Variants in FNDC3A observed in about 807,000 individuals in gnomAD.
The protein encoded by FNDC3A is fibronectin type-III domain-containing protein 3A.
In FNDC3A, 32 loss-of-function variants were observed where a neutral mutation model predicts 148.9. That is an observed-to-expected ratio of 0.21 (90% confidence interval 0.16 to 0.29). The LOEUF is 0.29. Ranked by LOEUF, FNDC3A falls within the 10% of genes least tolerant of loss-of-function variation. The pLI is 1.00. For missense variants in FNDC3A, 1,191 were observed against 1,452.8 expected (o/e 0.82, Z 2.93); for synonymous variants, 472 against 473.6 (o/e 1.00, Z 0.04).
intron 5 of FNDC3A, among the ~76,000 whole-genome samples, chr13:49,134,091 T>C (rs1382631595): frequency 1.3e-5 from 2 of 152,216 alleles, no homozygotes; most frequent in African/African-American, 2.4e-5. Flanking sequence ...CTATATTCAG[T>C]ATGTACTGTA....
chr13:48,983,860 T>C (rs1241326570), intron 1 of FNDC3A, among the ~76,000 whole-genome samples: 3 of 152,094 alleles, frequency 2.0e-5, no homozygotes, highest in Non-Finnish European at 2.9e-5. Flanking sequence ...TCTTAGGCAA[T>C]ACATTAAGAA....
At chr13:49,124,025 A>G (rs936764115) in intron 4 of FNDC3A, among the ~76,000 whole-genome samples, 3 of 150,984 alleles carry the variant, frequency 2.0e-5, no homozygotes, top group African/African-American at 7.3e-5. Context: ...AAATCATTGT[A>G]CTAGGACCAT....
intron 7 of FNDC3A, among the ~76,000 whole-genome samples, chr13:49,140,413 A>C (rs1882622460): frequency 6.6e-6 from 1 of 152,228 alleles, no homozygotes; most frequent in African/African-American, 2.4e-5. Flanking sequence ...TTCTTACTCA[A>C]CATTAGGAAG....
At chr13:49,198,657 T>C in intron 23 of FNDC3A, 83 bp downstream of exon 23, 1 of 1,124,468 alleles carries the variant, frequency 8.9e-7, no homozygotes, top group East Asian at 2.5e-5. Context: ...GTAGGCCAGG[T>C]GTGGTGGCTG....
At chr13:49,196,832 T>A (rs987537044) in intron 19 of FNDC3A, 45 bp from the exon 20 acceptor site, 4 of 1,037,542 alleles carry the variant, frequency 3.9e-6, no homozygotes, top group African/African-American at 1.6e-5. Flanking sequence ...TCAGTGGACA[T>A]TTAAGGGTGA....
rs1245928778 is a variant in FNDC3A, at chr13:49,075,801, C to G, written c.175+437C>G. Among the ~76,000 whole-genome samples, 16 of 2,310 alleles carry G rather than the reference C, an allele frequency of 6.9e-3. 1 individual carries two copies. Among genetic ancestry groups the G allele is most frequent in the African/African-American group, 0.012 (5 of 402 alleles). The allele number at this position is 2,310 out of a possible 152,430, so 1.5% of individuals were successfully genotyped here. ...CTGGAATTCACCCTTATCACCACTG[C>G]CCCCCCCACCCCCACCCCCACCCCC... On this transcript the variant is annotated intron_variant, in intron 3 of 25. Transcript: ENST00000492622.
intron 14 of FNDC3A, among the ~76,000 whole-genome samples, chr13:49,181,038 G>A (rs1368411810): frequency 6.6e-6 from 1 of 152,158 alleles, no homozygotes; most frequent in Admixed American, 6.5e-5. Context: ...CTATGATCGT[G>A]TCACTGCACT....
At chr13:49,091,627 G>T (rs144888358) in intron 3 of FNDC3A, among the ~76,000 whole-genome samples, 1 of 152,296 alleles carries the variant, frequency 6.6e-6, no homozygotes, top group African/African-American at 2.4e-5. Context: ...TTCACTTTTG[G>T]GTGATGCCTG....
chr13:49,031,075 C>T (rs998783895), intron 2 of FNDC3A, among the ~76,000 whole-genome samples: 10 of 152,138 alleles, frequency 6.6e-5, no homozygotes, highest in Non-Finnish European at 7.4e-5. Flanking sequence ...TGGGAGAATT[C>T]AGTGTTTCTC....
intron 2 of FNDC3A, among the ~76,000 whole-genome samples, chr13:49,043,921 AG>A (rs1157583114): frequency 6.6e-6 from 1 of 152,264 alleles, no homozygotes; most frequent in Non-Finnish European, 1.5e-5. Flanking sequence ...TCTATGTGAC[AG>A]AAGAGTCAGT....
At chr13:49,135,307 G>GT (rs1202258325) in intron 5 of FNDC3A, among the ~76,000 whole-genome samples, 1 of 152,080 alleles carries the variant, frequency 6.6e-6, no homozygotes, top group Non-Finnish European at 1.5e-5. Flanking sequence ...CTCCCTTGTT[G>GT]TTTTTTCACT....
At position 49,196,928 on chromosome 13, in the gene FNDC3A, G is replaced by C. The variant is rs973689358; in HGVS notation, c.2278G>C (p.Asp760His). 1.2e-6 allele frequency: 2 copies of C among 1,611,946 alleles called. No individual in the cohort carries two copies. The highest frequency in any genetic ancestry group is 1.6e-4 in the Middle Eastern group (1 of 6,080). Residue 760 changes from aspartate (D) to histidine (H), a missense_variant, in exon 20 of 26, where the codon GAT (aspartate) becomes CAT (histidine). Coordinates refer to ENST00000492622, the MANE Select transcript of FNDC3A (RefSeq NM_001079673.2). ...TATTACTACAGCCCCTGGGCCACCA[G>C]ATCAGTGCAAGCCCCCTCAAGTGAC... ...CDITTAPGPP[D>H]QCKPPQVTCR...
At chr13:49,118,854 G>T (rs1881140775) in intron 4 of FNDC3A, among the ~76,000 whole-genome samples, 1 of 152,236 alleles carries the variant, frequency 6.6e-6, no homozygotes, top group African/African-American at 2.4e-5. Flanking sequence ...TCCAGCCCCA[G>T]TCAGGGGCTT....
chr13:49,046,945 A>G (rs937443210), intron 2 of FNDC3A, among the ~76,000 whole-genome samples: 2 of 152,074 alleles, frequency 1.3e-5, no homozygotes, highest in Non-Finnish European at 2.9e-5. Flanking sequence ...ATTGTGGTGC[A>G]CCCATCATCC....
intron 1 of FNDC3A, among the ~76,000 whole-genome samples, chr13:49,001,148 A>T (rs942601836): frequency 2.0e-5 from 3 of 152,234 alleles, no homozygotes; most frequent in Non-Finnish European, 4.4e-5. Context: ...TGAAGATTTC[A>T]TGGACATTTA....
chr13:49,173,202 A>C (rs768565831), intron 11 of FNDC3A, among the ~76,000 whole-genome samples: 30 of 152,346 alleles, frequency 2.0e-4, no homozygotes, highest in African/African-American at 7.0e-4. Flanking sequence ...GTACCAAGCT[A>C]AGAAGAGGGG....
chr13:49,016,196 A>G (rs980301051), intron 2 of FNDC3A, among the ~76,000 whole-genome samples: 8 of 152,178 alleles, frequency 5.3e-5, no homozygotes, highest in Non-Finnish European at 5.9e-5. Flanking sequence ...TCCTCCTTCT[A>G]TCTCTGGTAG....
intron 4 of FNDC3A, among the ~76,000 whole-genome samples, chr13:49,123,791 A>G (rs890272057): frequency 5.3e-5 from 8 of 152,258 alleles, no homozygotes; most frequent in African/African-American, 1.9e-4. Flanking sequence ...CAAAACCACA[A>G]TGAGCTACCA....
chr13:48,993,717 A>G (rs1265626326), intron 1 of FNDC3A, among the ~76,000 whole-genome samples: 1 of 152,202 alleles, frequency 6.6e-6, no homozygotes, highest in African/African-American at 2.4e-5. Context: ...AATACATGCA[A>G]TTAAATCCTG....
Sources: gnomAD v4.1 joint callset for allele counts (sites outside exome capture counted in the v4.1 genomes callset) on GRCh38, gnomAD v4.1.1 for gene constraint, MANE v1.5 for transcripts, NCBI Gene and HGNC (gene_info 2026-07-23, HGNC 2026-07-21) for gene names.